MOK: variants seen among roughly 807,000 people sequenced by gnomAD.
The protein encoded by MOK is MAPK/MAK/MRK overlapping kinase.
In MOK, 59 loss-of-function variants were observed where a neutral mutation model predicts 54.2. The ratio of observed to expected loss-of-function variants is 1.09; its 90% CI spans 0.88 to 1.35. The LOEUF is 1.35. MOK is among the 40% of genes most tolerant of loss of function. The probability of loss-of-function intolerance (pLI) is 0.00; values close to 1 mark genes in which losing one functional copy is unlikely to be tolerated. For synonymous variants in MOK, 210 were observed against 202.7 expected (o/e 1.04, Z -0.31); for missense variants, 517 against 526.2 (o/e 0.98, Z 0.17).
intron 7 of MOK, chr14:102,246,058 C>T (rs1237085541): frequency 6.6e-6 from 1 of 152,330 alleles, no homozygotes; most frequent in Non-Finnish European, 1.5e-5. Context: ...AATACTTACC[C>T]TATTGTTTGC....
rs570419776 is a variant in MOK at position 102,230,670 on chromosome 14, G to A, written c.982-1013C>T. The A allele has an allele frequency of 6.5e-6, 1 of 153,124 alleles. No individual in the cohort carries two copies. The highest frequency in any genetic ancestry group is 2.1e-4 in the South Asian group (1 of 4,840). The allele number at this position is 153,124 out of a possible 1,614,324, so 9.5% of individuals were successfully genotyped here. On this transcript the variant is annotated intron_variant, in intron 10 of 11. Coordinates refer to ENST00000361847, the MANE Select transcript of MOK (RefSeq NM_014226.3). The surrounding 1 kb of genome is among the most constrained non-coding windows in gnomAD (Gnocchi z 4.1). Reference sequence around the variant, plus strand: ...CTGTCCAGGAGGGAGCGGAGGCAGAGCAGGGACAGTAGTGAGGAGGCCATC... The same window carrying A: ...CTGTCCAGGAGGGAGCGGAGGCAGAACAGGGACAGTAGTGAGGAGGCCATC...
At chr14:102,242,507 G>A (rs543590694) in intron 7 of MOK, among the ~76,000 whole-genome samples, 61 of 97,418 alleles carry the variant, frequency 6.3e-4, no homozygotes, top group African/African-American at 2.4e-3. Flanking sequence ...TAATCCACAA[G>A]TATGGGACAC....
At chr14:102,219,830 G>T (rs2063682358), downstream of MOK, among the ~76,000 whole-genome samples, 1 of 152,258 alleles carries the variant, frequency 6.6e-6, no homozygotes, top group African/African-American at 2.4e-5. Flanking sequence ...CGTTATGCCA[G>T]TATGGACTAC....
the MOK span, chr14:102,214,989 T>C: frequency 9.1e-6 from 9 of 984,862 alleles, no homozygotes; most frequent in Non-Finnish European, 1.1e-5. Context: ...AATAAACGTG[T>C]GTGAGTGAAC....
chr14:102,223,023 C>G, downstream of MOK: 1 of 984,658 alleles, frequency 1.0e-6, no homozygotes, highest in Non-Finnish European at 1.5e-6. Context: ...GGACGGTGAC[C>G]GGCTCACTCT....
the MOK span, chr14:102,215,114 T>G: frequency 1.9e-6 from 1 of 514,984 alleles, no homozygotes; most frequent in Non-Finnish European, 2.5e-6. Flanking sequence ...TGTTAATGTT[T>G]ATAGAACAGC....
intron 2 of MOK, chr14:102,283,199 T>G: frequency 7.5e-6 from 2 of 268,402 alleles, no homozygotes; most frequent in Non-Finnish European, 1.4e-5. Flanking sequence ...ATCCAACACA[T>G]TTATAACTTT....
At position 102,283,581 on chromosome 14, in the gene MOK, T is replaced by C. The variant is rs762488901; in HGVS notation, c.19A>G (p.Ile7Val). 9.3e-6 allele frequency: 15 copies of C among 1,609,688 alleles called. No homozygotes were observed. In the South Asian group the frequency reaches 9.9e-5, roughly 11 times the overall value. Residue 7 changes from isoleucine to valine, a missense_variant, in exon 2 of 12, where the codon ATT becomes GTT. Physicochemically the swap from Ile to Val is conservative, Grantham distance 29 (BLOSUM62 3). Coordinates refer to ENST00000361847, the MANE Select transcript of MOK (RefSeq NM_014226.3). ...AACGTTCCCTCTCCTATTTTGCCAATTGCTTTATAGTCTATAAATAAAAAT... is the reference window on the plus strand; with the variant it reads ...AACGTTCCCTCTCCTATTTTGCCAACTGCTTTATAGTCTATAAATAAAAAT... The part of the protein sequence containing the change: MKNYKA[I>V]GKIGEGTFSE...
At chr14:102,252,023 C>A in intron 4 of MOK, 28 bp from the exon 5 acceptor site, 1 of 1,244,476 alleles carries the variant, frequency 8.0e-7, no homozygotes, top group Non-Finnish European at 1.2e-6. Flanking sequence ...TAGGCAAATA[C>A]GGTTACTGAT....
In MOK at chr14:102,237,321, G is replaced by A. The variant is rs191078076; in HGVS notation, c.591-3532C>T. Among the ~76,000 whole-genome samples the A allele has an allele frequency of 2.5e-3, 379 of 152,220 alleles. 4 individuals are homozygous for A. The highest frequency in any genetic ancestry group is 8.3e-3 in the African/African-American group (346 of 41,526). On this transcript the variant is annotated intron_variant, in intron 7 of 11. Coordinates refer to ENST00000361847, the MANE Select transcript of MOK (RefSeq NM_014226.3). ...CTTAAAACTTTCTCTCCATCAAAGG[G>A]TATAGAGTCTCCCCCTCCGAAGCTC...
At chr14:102,262,357 T>C (rs2067552600) in intron 4 of MOK, among the ~76,000 whole-genome samples, 5 of 152,182 alleles carry the variant, frequency 3.3e-5, no homozygotes, top group African/African-American at 1.2e-4. Context: ...TTCACCTTGT[T>C]AGTCAGGCTG....
intron 2 of MOK, among the ~76,000 whole-genome samples, chr14:102,277,107 G>C (rs1424790175): frequency 6.6e-6 from 1 of 150,392 alleles, no homozygotes; most frequent in African/African-American, 2.5e-5. Context: ...ATCCAGCCTG[G>C]TCTCAAATTC....
chr14:102,297,875 A>G (rs905376674), intron 1 of MOK, among the ~76,000 whole-genome samples: 5 of 152,164 alleles, frequency 3.3e-5, no homozygotes, highest in African/African-American at 1.2e-4. Context: ...GTGCCGGCCC[A>G]CCGGCCCTGC....
chr14:102,294,222 G>A (rs541943263), intron 1 of MOK, among the ~76,000 whole-genome samples: 15 of 150,912 alleles, frequency 9.9e-5, no homozygotes, highest in African/African-American at 1.5e-4. Flanking sequence ...CAAGGCGGGC[G>A]GATCACGAGG....
intron 1 of MOK, among the ~76,000 whole-genome samples, chr14:102,289,499 T>G (rs1441642908): frequency 6.6e-6 from 1 of 152,086 alleles, no homozygotes; most frequent in Non-Finnish European, 1.5e-5. Flanking sequence ...CTGTTTTTTA[T>G]TTTTATTTTA....
chr14:102,250,761 T>A, intron 7 of MOK, 51 bp downstream of exon 7: 1 of 1,573,980 alleles, frequency 6.4e-7, no homozygotes. Flanking sequence ...CGAGCCTGGC[T>A]GCTGCACCGC....
At chr14:102,269,392 G>T (rs1318586798) in intron 2 of MOK, among the ~76,000 whole-genome samples, 2 of 151,502 alleles carry the variant, frequency 1.3e-5, no homozygotes, top group Admixed American at 1.3e-4. Flanking sequence ...CATCACAGTG[G>T]CCAGGCTGGT....
intron 1 of MOK, among the ~76,000 whole-genome samples, chr14:102,286,063 G>T (rs1419726083): frequency 6.6e-6 from 1 of 151,810 alleles, no homozygotes; most frequent in Non-Finnish European, 1.5e-5. Context: ...ACTTTGGGAG[G>T]CCGAGGCGGG....
chr14:102,215,034 CATCT>C, the MOK span: 10 of 967,170 alleles, frequency 1.0e-5, no homozygotes, highest in Non-Finnish European at 1.1e-5. Flanking sequence ...GTCATTTTCA[CATCT>C]AAGCTTTAAA....
Sources: allele counts gnomAD v4.1 joint callset (sites outside exome capture counted in the v4.1 genomes callset), GRCh38; gene constraint gnomAD v4.1.1; non-coding constraint Gnocchi (gnomAD v3.1); transcripts MANE v1.5; gene names NCBI Gene and HGNC (gene_info 2026-07-23, HGNC 2026-07-21).